The following ITPR2 variants were observed in gnomAD, a reference collection of about 807,000 sequenced individuals.
ITPR2 encodes inositol 1,4,5-trisphosphate-gated calcium channel ITPR2.
A neutral mutation model predicts 317.1 loss-of-function variants in ITPR2; 207 were observed. That is an observed-to-expected ratio of 0.65 (90% confidence interval 0.58 to 0.73). The LOEUF (loss-of-function observed/expected upper bound fraction) is 0.73, where lower values mean the gene tolerates loss of function less well. ITPR2 is among the 30% of genes least tolerant of loss of function. ITPR2 has a pLI of 0.00. For synonymous variants in ITPR2, 1,156 were observed against 1,149.1 expected, an observed-to-expected ratio of 1.01 and a Z score of -0.12; for missense variants, 2,613 against 3,284.0, an observed-to-expected ratio of 0.80 and a Z score of 4.99.
chr12:26,692,274 G>A (rs1463659880), intron 10 of ITPR2, among the ~76,000 whole-genome samples: 4 of 152,144 alleles, frequency 2.6e-5, no homozygotes, highest in East Asian at 1.9e-4. Context: ...GGCAATTTCT[G>A]GGCACATTGT....
At chr12:26,538,340 C>G (rs1016513477) in intron 37 of ITPR2, among the ~76,000 whole-genome samples, 5 of 145,998 alleles carry the variant, frequency 3.4e-5, no homozygotes, top group African/African-American at 4.9e-5. Flanking sequence ...ACAAACACAC[C>G]TTTTTGAAAA....
At chr12:26,661,442 C>T (rs1947502099) in intron 15 of ITPR2, among the ~76,000 whole-genome samples, 1 of 152,208 alleles carries the variant, frequency 6.6e-6, no homozygotes, top group African/African-American at 2.4e-5. Flanking sequence ...TAAGACATGT[C>T]GCCCAGGGAA....
intron 37 of ITPR2, among the ~76,000 whole-genome samples, chr12:26,512,273 C>T (rs369987417): frequency 1.5e-4 from 23 of 150,758 alleles, no homozygotes; most frequent in East Asian, 9.9e-4. Context: ...TACCCTAAAA[C>T]AAGTCTGTTG....
At chr12:26,628,290 C>T in intron 22 of ITPR2, 128 bp from the exon 23 acceptor site, 4 of 605,552 alleles carry the variant, frequency 6.6e-6, no homozygotes, top group Non-Finnish European at 1.1e-5. Flanking sequence ...GCTTTTAACA[C>T]CAGTTGCCAC....
At chr12:26,647,035 T>C (rs1565663033) in intron 21 of ITPR2, among the ~76,000 whole-genome samples, 3 of 152,210 alleles carry the variant, frequency 2.0e-5, no homozygotes, top group Non-Finnish European at 4.4e-5. Context: ...AGTTCAAGGA[T>C]GGGCAGGAAG....
intron 13 of ITPR2, among the ~76,000 whole-genome samples, chr12:26,675,346 A>G (rs1947883369): frequency 6.6e-6 from 1 of 152,196 alleles, no homozygotes; most frequent in Non-Finnish European, 1.5e-5. Context: ...GCACATATAC[A>G]CCATGGAATA....
intron 55 of ITPR2, among the ~76,000 whole-genome samples, chr12:26,378,429 G>A (rs980870482): frequency 3.9e-5 from 6 of 152,152 alleles, no homozygotes; most frequent in South Asian, 2.1e-4. Context: ...GCTAAGGGAC[G>A]TGGGATGAAA....
At chr12:26,398,105 A>G (rs997252666) in intron 54 of ITPR2, among the ~76,000 whole-genome samples, 1 of 150,742 alleles carries the variant, frequency 6.6e-6, no homozygotes, top group African/African-American at 2.4e-5. Context: ...TGTAAGAGAG[A>G]CAGAGAGAGA....
In ITPR2 at chr12:26,382,097, T is replaced by G. The variant is rs567833377; in HGVS notation, c.7857+5337A>C. ...AGTGATGCTCAAAGGCCATTATCAG[T>G]ATGGGATGGAGGATTTATCCTTTCA... On this transcript the variant is annotated intron_variant, in intron 55 of 56. Transcript: ENST00000381340. 1.1e-4 allele frequency among the ~76,000 whole-genome samples: 16 copies of G among 152,320 alleles called. No individual in the cohort carries two copies. In the South Asian group the frequency reaches 3.3e-3, roughly 32 times the overall value.
At chr12:26,732,920 T>C (rs1374016651) in intron 2 of ITPR2, among the ~76,000 whole-genome samples, 1 of 152,224 alleles carries the variant, frequency 6.6e-6, no homozygotes, top group East Asian at 1.9e-4. Context: ...CAAAAAGTTA[T>C]CATTTTTATT....
intron 2 of ITPR2, among the ~76,000 whole-genome samples, chr12:26,734,452 G>A (rs769976807): frequency 6.6e-6 from 1 of 152,170 alleles, no homozygotes; most frequent in Non-Finnish European, 1.5e-5. Flanking sequence ...CAATACGACA[G>A]AAGAGCACAG....
chr12:26,591,762 G>A (rs564820408), intron 32 of ITPR2, among the ~76,000 whole-genome samples: 55 of 151,842 alleles, frequency 3.6e-4, no homozygotes, highest in South Asian at 1.7e-3. Context: ...GTTGAACCCC[G>A]GAGGCAGAGG....
chr12:26,442,124 T>C lies in ITPR2; in HGVS notation c.6450+1419A>G, dbSNP rs929143308. Among the ~76,000 whole-genome samples the C allele has an allele frequency of 4.6e-5, 7 of 152,052 alleles. No homozygotes were observed. In the South Asian group the frequency reaches 1.0e-3, roughly 23 times the overall value. On this transcript the variant is annotated intron_variant, in intron 46 of 56. Transcript: ENST00000381340. The stretch of plus-strand genomic sequence containing the variant: ...GGCAACCAGATTGATCTTTTGAAAA[T>C]AGTCATCTCCTTCCCATGTTTTTTA...
intron 34 of ITPR2, among the ~76,000 whole-genome samples, chr12:26,562,490 A>C (rs1944846034): frequency 6.6e-6 from 1 of 152,264 alleles, no homozygotes; most frequent in African/African-American, 2.4e-5. Context: ...ACAAGTTTAC[A>C]TCACAACAAT....
intron 49 of ITPR2, among the ~76,000 whole-genome samples, chr12:26,422,271 T>A (rs1322103535): frequency 6.7e-6 from 1 of 150,312 alleles, no homozygotes; most frequent in African/African-American, 2.4e-5. Context: ...CCAATAATTA[T>A]TATTGAATTA....
chr12:26,447,895 A>C (rs1278176862), intron 45 of ITPR2, among the ~76,000 whole-genome samples: 2 of 151,902 alleles, frequency 1.3e-5, no homozygotes, highest in African/African-American at 4.8e-5. Flanking sequence ...CTATAGAATG[A>C]ATGCACTGCC....
At chr12:26,523,797 A>G (rs1406374414) in intron 37 of ITPR2, among the ~76,000 whole-genome samples, 1 of 152,250 alleles carries the variant, frequency 6.6e-6, no homozygotes, top group Non-Finnish European at 1.5e-5. Context: ...CGGATCGTTC[A>G]AAGCAATCTA....
chr12:26,784,944 T>C (rs1950191060), intron 2 of ITPR2, among the ~76,000 whole-genome samples: 1 of 3,658 alleles, frequency 2.7e-4, no homozygotes, highest in South Asian at 7.1e-3. Flanking sequence ...GAGGAGCGTC[T>C]CTGCCCCGCC....
At chr12:26,728,105 C>T (rs1481868911) in intron 2 of ITPR2, among the ~76,000 whole-genome samples, 1 of 152,118 alleles carries the variant, frequency 6.6e-6, no homozygotes, top group Non-Finnish European at 1.5e-5. Context: ...CCATGGAAAA[C>T]GCTGAACTCT....
Sources: allele counts gnomAD v4.1 joint callset (sites outside exome capture counted in the v4.1 genomes callset), GRCh38; gene constraint gnomAD v4.1.1; transcripts MANE v1.5; gene names NCBI Gene and HGNC (gene_info 2026-07-23, HGNC 2026-07-21).